Variants in ENOX1 observed in about 807,000 individuals in gnomAD.
The protein encoded by ENOX1 is ecto-NOX disulfide-thiol exchanger 1.
In ENOX1, 42 loss-of-function variants were observed where a neutral mutation model predicts 82.5. The observed-to-expected ratio is 0.51, with a 90% CI of 0.40 to 0.66. The LOEUF (loss-of-function observed/expected upper bound fraction) is 0.66, where lower values mean the gene tolerates loss of function less well. Among genes scored for constraint, ENOX1 ranks in the 30% least tolerant of loss-of-function variants. The pLI is 0.00. For missense variants in ENOX1, 608 were observed against 811.6 expected, an observed-to-expected ratio of 0.75 and a Z score of 3.05; for synonymous variants, 271 against 282.2, an observed-to-expected ratio of 0.96 and a Z score of 0.40.
intron 2 of ENOX1, among the ~76,000 whole-genome samples, chr13:43,518,109 C>T (rs2077623823): frequency 6.6e-6 from 1 of 152,092 alleles, no homozygotes; most frequent in South Asian, 2.1e-4. Flanking sequence ...TTCAAAGAAA[C>T]AGCATCCCCA....
At chr13:43,271,517 C>T (rs983581539) in intron 12 of ENOX1, among the ~76,000 whole-genome samples, 2 of 151,978 alleles carry the variant, frequency 1.3e-5, no homozygotes, top group Non-Finnish European at 2.9e-5. Flanking sequence ...GAGAAAAAAT[C>T]AAATGAATTT....
chr13:43,502,966 C>A (rs1261269537), intron 2 of ENOX1, among the ~76,000 whole-genome samples: 2 of 151,256 alleles, frequency 1.3e-5, no homozygotes, highest in Admixed American at 1.3e-4. Flanking sequence ...ATACAGAAAA[C>A]TCTAAGAAGT....
intron 2 of ENOX1, among the ~76,000 whole-genome samples, chr13:43,498,062 T>A (rs2076854401): frequency 6.6e-6 from 1 of 152,126 alleles, no homozygotes; most frequent in Admixed American, 6.6e-5. Flanking sequence ...AAACCATATA[T>A]ATTTCACTGG....
chr13:43,364,195 C>G (rs1333385179), intron 5 of ENOX1, among the ~76,000 whole-genome samples: 1 of 152,080 alleles, frequency 6.6e-6, no homozygotes, highest in Non-Finnish European at 1.5e-5. Flanking sequence ...AACTGAAAAT[C>G]GAGGAAGACA....
chr13:43,214,214 A>G (rs967130162), intron 16 of ENOX1, 93 bp from the exon 17 acceptor site: 29 of 1,354,424 alleles, frequency 2.1e-5, no homozygotes, highest in Non-Finnish European at 2.7e-5. Flanking sequence ...AGTGATATGA[A>G]CAGCATTTAG....
intron 12 of ENOX1, among the ~76,000 whole-genome samples, chr13:43,285,810 CAAAAA>C (rs11417324): frequency 0.022 from 1,496 of 67,452 alleles, 23 homozygotes; most frequent in African/African-American, 0.074. Flanking sequence ...GACTCTGTCT[CAAAAA>C]AAAAAAAAAA....
At chr13:43,528,878 C>T (rs1408358067) in intron 2 of ENOX1, among the ~76,000 whole-genome samples, 1 of 151,782 alleles carries the variant, frequency 6.6e-6, no homozygotes, top group Non-Finnish European at 1.5e-5. Flanking sequence ...AGTGATTGAC[C>T]CACTTAATCT....
intron 14 of ENOX1, among the ~76,000 whole-genome samples, chr13:43,247,872 TA>T (rs57904288): frequency 2.0e-3 from 5 of 2,530 alleles, no homozygotes; most frequent in Non-Finnish European, 3.2e-3. Context: ...TATATATATA[TA>T]TATATATATA....
intron 9 of ENOX1, among the ~76,000 whole-genome samples, chr13:43,342,948 A>G (rs563337244): frequency 9.2e-5 from 14 of 152,342 alleles, no homozygotes; most frequent in Admixed American, 8.5e-4. Flanking sequence ...ACTGCCAAAG[A>G]AAACGAAGTT....
intron 15 of ENOX1, among the ~76,000 whole-genome samples, chr13:43,232,815 C>A (rs935801163): frequency 1.3e-5 from 2 of 152,154 alleles, no homozygotes; most frequent in Non-Finnish European, 2.9e-5. Flanking sequence ...CTAGCATCAA[C>A]AGGGCGTCAA....
intron 1 of ENOX1, among the ~76,000 whole-genome samples, chr13:43,704,388 G>C (rs2087111338): frequency 6.6e-6 from 1 of 151,950 alleles, no homozygotes; most frequent in Non-Finnish European, 1.5e-5. Flanking sequence ...ATAGGTACAA[G>C]CTCCACACAA....
chr13:43,732,161 A>T (rs370316673), intron 1 of ENOX1, among the ~76,000 whole-genome samples: 36 of 152,350 alleles, frequency 2.4e-4, no homozygotes, highest in African/African-American at 7.2e-4. Context: ...CCTAAACAGC[A>T]TATTTATGGG....
At chr13:43,415,697 T>TCC (rs1171440467) in intron 3 of ENOX1, among the ~76,000 whole-genome samples, 2 of 151,298 alleles carry the variant, frequency 1.3e-5, no homozygotes, top group African/African-American at 2.4e-5. Flanking sequence ...TCCTCACATT[T>TCC]CCCCCTTTTC....
At position 43,639,628 on chromosome 13, in the gene ENOX1, C is replaced by T. The variant is rs188442223; in HGVS notation, c.-219+27851G>A. On this transcript the variant is annotated intron_variant, in intron 2 of 16. Coordinates refer to ENST00000690772, the MANE Select transcript of ENOX1 (RefSeq NM_001347969.2). ...ATTTTTGGTGTCACTGAAGAGACCACCAGCATTCATGACTCTAAGCCAACA... is the reference window on the plus strand; with the variant it reads ...ATTTTTGGTGTCACTGAAGAGACCATCAGCATTCATGACTCTAAGCCAACA... Among the ~76,000 whole-genome samples the T allele has an allele frequency of 9.9e-5, 15 of 152,248 alleles. No homozygotes were observed. In the East Asian group the frequency reaches 2.5e-3, roughly 25 times the overall value.
At chr13:43,413,129 T>A in intron 3 of ENOX1, 141 bp from the exon 4 acceptor site, 1 of 856,122 alleles carries the variant, frequency 1.2e-6, no homozygotes, top group Non-Finnish European at 1.6e-6. Flanking sequence ...CTGCTTCCCA[T>A]CGCTCAGCGG....
intron 3 of ENOX1, among the ~76,000 whole-genome samples, chr13:43,472,401 C>T (rs914441933): frequency 2.0e-5 from 3 of 152,100 alleles, no homozygotes; most frequent in African/African-American, 7.2e-5. Context: ...TTATTAGGCT[C>T]CCTAAGTGAA....
chr13:43,544,874 G>C (rs1308585987), intron 2 of ENOX1: 1 of 152,064 alleles, frequency 6.6e-6, no homozygotes, highest in Non-Finnish European at 1.5e-5. Flanking sequence ...TGATATTTTT[G>C]CTTATCTTTA....
At chr13:43,775,297 G>A (rs1264817491) in intron 1 of ENOX1, among the ~76,000 whole-genome samples, 3 of 152,076 alleles carry the variant, frequency 2.0e-5, no homozygotes, top group East Asian at 3.9e-4. Context: ...GACTACAGGT[G>A]TGCATCCCTA....
intron 3 of ENOX1, among the ~76,000 whole-genome samples, chr13:43,470,396 ATG>A (rs375702360): frequency 5.0e-5 from 5 of 99,960 alleles, no homozygotes; most frequent in Admixed American, 1.0e-4. Context: ...ACGTATATAT[ATG>A]TGTATATATA....
Sources: allele counts gnomAD v4.1 joint callset (sites outside exome capture counted in the v4.1 genomes callset), GRCh38; gene constraint gnomAD v4.1.1; transcripts MANE v1.5; gene names NCBI Gene and HGNC (gene_info 2026-07-23, HGNC 2026-07-21).